PRKN: variants seen among roughly 807,000 people sequenced by gnomAD.
PRKN encodes the protein E3 ubiquitin-protein ligase parkin.
In PRKN, 56 loss-of-function variants were observed where a neutral mutation model predicts 59.5. The ratio of observed to expected loss-of-function variants is 0.94; its 90% CI spans 0.76 to 1.18. The LOEUF (loss-of-function observed/expected upper bound fraction) is 1.18, where lower values mean the gene tolerates loss of function less well. Ranked by LOEUF, PRKN falls within the 50% of genes most tolerant of loss-of-function variation. The probability of loss-of-function intolerance (pLI) is 0.00; values close to 1 mark genes in which losing one functional copy is unlikely to be tolerated. For missense variants in PRKN, 657 were observed against 596.4 expected (o/e 1.10, Z -1.06); for synonymous variants, 250 against 222.1 (o/e 1.13, Z -1.12).
chr6:161,469,175 A>G (rs1790638024), intron 9 of PRKN, among the ~76,000 whole-genome samples: 1 of 152,188 alleles, frequency 6.6e-6, no homozygotes, highest in Non-Finnish European at 1.5e-5. Flanking sequence ...GGATGGGACC[A>G]GGTGGAGATA....
rs140795930 is a variant in PRKN at position 161,976,953 on chromosome 6, A to C, written c.619-3536T>G. Among the ~76,000 whole-genome samples, 115 of 152,354 alleles carry C rather than the reference A, an allele frequency of 7.5e-4. 1 individual carries two copies. Among genetic ancestry groups the C allele is most frequent in the African/African-American group, 2.4e-3 (98 of 41,584 alleles). On this transcript the variant is annotated intron_variant, in intron 5 of 11. Coordinates refer to ENST00000366898, the MANE Select transcript of PRKN (RefSeq NM_004562.3). ...TTTTATTGGGGGTAGGTGTTTATAGATAATGGTTTAAGAAATTACAGATAG... is the reference window on the plus strand; with the variant it reads ...TTTTATTGGGGGTAGGTGTTTATAGCTAATGGTTTAAGAAATTACAGATAG...
Position 161,622,800 on chromosome 6 carries a change from A to AT in PRKN, c.872-53385dup, listed in dbSNP as rs565274492. The stretch of plus-strand genomic sequence containing the variant: ...AATTTTCTTGTTCCTTCTGAAATGA[A>AT]TTTTCAAGGTGACTTATTATTCTGT... On this transcript the variant is annotated intron_variant, in intron 7 of 11. Transcript: ENST00000366898. Among the ~76,000 whole-genome samples the AT allele has an allele frequency of 3.8e-4, 58 of 152,316 alleles. No homozygotes were observed. The East Asian group carries it at 9.7e-3, about 25-fold the overall frequency.
At chr6:162,291,817 G>A (rs775758719) in intron 2 of PRKN, among the ~76,000 whole-genome samples, 3 of 152,124 alleles carry the variant, frequency 2.0e-5, no homozygotes, top group African/African-American at 4.8e-5. Flanking sequence ...AAAGGTTGGC[G>A]TTGGGATTTG....
At chr6:162,048,657 A>G (rs1295278082) in intron 5 of PRKN, among the ~76,000 whole-genome samples, 27 of 151,566 alleles carry the variant, frequency 1.8e-4, no homozygotes. Context: ...TGGGCCACAT[A>G]GGAAGAAGAA....
intron 6 of PRKN, among the ~76,000 whole-genome samples, chr6:161,809,435 G>A (rs1484739224): frequency 6.6e-6 from 1 of 152,144 alleles, no homozygotes; most frequent in Non-Finnish European, 1.5e-5. Flanking sequence ...AAATGTTAGG[G>A]AGAAACTGGG....
At chr6:161,599,161 C>T (rs1782021677) in intron 7 of PRKN, among the ~76,000 whole-genome samples, 1 of 152,224 alleles carries the variant, frequency 6.6e-6, no homozygotes, top group Non-Finnish European at 1.5e-5. Flanking sequence ...TTGCAGACTT[C>T]AGGCTCCCAG....
At chr6:162,365,390 C>A (rs1785382045) in intron 2 of PRKN, among the ~76,000 whole-genome samples, 1 of 152,026 alleles carries the variant, frequency 6.6e-6, no homozygotes, top group African/African-American at 2.4e-5. Flanking sequence ...ATGTATTTAA[C>A]CATTCCCCTA....
intron 1 of PRKN, among the ~76,000 whole-genome samples, chr6:162,447,722 A>G (rs1037918100): frequency 3.9e-5 from 6 of 152,138 alleles, no homozygotes; most frequent in African/African-American, 1.2e-4. Flanking sequence ...GTCAATATCA[A>G]TAATTAATGA....
chr6:162,489,145 C>T (rs1008534121), intron 1 of PRKN, among the ~76,000 whole-genome samples: 2 of 152,080 alleles, frequency 1.3e-5, no homozygotes, highest in African/African-American at 4.8e-5. Context: ...CTAAATAAGG[C>T]AGTGTCTTAA....
intron 5 of PRKN, among the ~76,000 whole-genome samples, chr6:162,027,321 T>C (rs1425723799): frequency 6.6e-6 from 1 of 152,194 alleles, no homozygotes; most frequent in East Asian, 1.9e-4. Context: ...GTTTCAATGT[T>C]ATAATCACAG....
At chr6:161,790,553 A>T (rs1790597350) in intron 6 of PRKN, among the ~76,000 whole-genome samples, 1 of 152,178 alleles carries the variant, frequency 6.6e-6, no homozygotes, top group Non-Finnish European at 1.5e-5. Context: ...AGCCCTCATG[A>T]ATAAAATGAG....
chr6:162,496,778 G>C (rs1404874752), intron 1 of PRKN, among the ~76,000 whole-genome samples: 2 of 152,202 alleles, frequency 1.3e-5, no homozygotes, highest in African/African-American at 4.8e-5. Context: ...GCAGAAAAGA[G>C]ACACTTTAGA....
At chr6:162,236,024 A>AGAAC in intron 3 of PRKN, among the ~76,000 whole-genome samples, 1 of 149,934 alleles carries the variant, frequency 6.7e-6, no homozygotes, top group African/African-American at 2.5e-5. Flanking sequence ...AAAGAAAGAA[A>AGAAC]CTCCTCACCC....
intron 2 of PRKN, among the ~76,000 whole-genome samples, chr6:162,305,499 T>G (rs1562655874): frequency 6.6e-6 from 1 of 152,216 alleles, no homozygotes; most frequent in Non-Finnish European, 1.5e-5. Context: ...GGTCAGAGTA[T>G]AATTCTTGAA....
intron 3 of PRKN, among the ~76,000 whole-genome samples, chr6:162,219,519 C>G (rs1472580743): frequency 6.6e-6 from 1 of 150,836 alleles, no homozygotes; most frequent in African/African-American, 2.4e-5. Context: ...TCAGAATGAA[C>G]AGTAAAAGGC....
At chr6:162,349,589 T>C (rs1338007297) in intron 2 of PRKN, among the ~76,000 whole-genome samples, 3 of 152,166 alleles carry the variant, frequency 2.0e-5, no homozygotes, top group African/African-American at 4.8e-5. Context: ...AAAATTAACA[T>C]TTTTCACAAA....
intron 7 of PRKN, among the ~76,000 whole-genome samples, chr6:161,723,708 C>T (rs897343930): frequency 1.3e-5 from 2 of 152,186 alleles, no homozygotes; most frequent in African/African-American, 2.4e-5. Context: ...GAAACTGAAT[C>T]ACACACTCTC....
intron 2 of PRKN, among the ~76,000 whole-genome samples, chr6:162,264,935 T>A (rs1193673467): frequency 6.6e-6 from 1 of 150,808 alleles, no homozygotes; most frequent in Admixed American, 6.6e-5. Context: ...ACCCTTCACA[T>A]CTTCAACTCT....
At chr6:161,617,763 G>A (rs547060317) in intron 7 of PRKN, among the ~76,000 whole-genome samples, 10 of 152,334 alleles carry the variant, frequency 6.6e-5, no homozygotes, top group South Asian at 4.1e-4. Context: ...GTACAAACAT[G>A]TTTTACATAT....
Sources: gnomAD v4.1 joint callset for allele counts (sites outside exome capture counted in the v4.1 genomes callset) on GRCh38, gnomAD v4.1.1 for gene constraint, MANE v1.5 for transcripts, NCBI Gene and HGNC (gene_info 2026-07-23, HGNC 2026-07-21) for gene names.